Variants in PIP5K1B observed in about 807,000 individuals in gnomAD.
The protein encoded by PIP5K1B is phosphatidylinositol 4-phosphate 5-kinase type-1 beta.
PIP5K1B carries 42 observed loss-of-function variants against 67.0 expected under a neutral mutation model. The ratio of observed to expected loss-of-function variants is 0.63; its 90% CI spans 0.49 to 0.81. The LOEUF (loss-of-function observed/expected upper bound fraction) is 0.81, where lower values mean the gene tolerates loss of function less well. Ranked by LOEUF, PIP5K1B falls within the 30% of genes least tolerant of loss-of-function variation. The pLI is 0.00. For missense variants in PIP5K1B, 459 were observed against 646.3 expected (o/e 0.71, Z 3.14); for synonymous variants, 214 against 231.4 (o/e 0.92, Z 0.68).
intron 2 of PIP5K1B, among the ~76,000 whole-genome samples, chr9:68,749,583 C>T (rs894447396): frequency 2.0e-5 from 3 of 152,170 alleles, no homozygotes; most frequent in African/African-American, 7.2e-5. Context: ...AACATGACCA[C>T]CTGTAACCAC....
intron 13 of PIP5K1B, among the ~76,000 whole-genome samples, chr9:68,937,473 A>G (rs1044280888): frequency 9.2e-5 from 14 of 151,922 alleles, no homozygotes; most frequent in Non-Finnish European, 1.5e-4. Flanking sequence ...TTTTTATTGC[A>G]TCCATTTGAT....
chr9:68,891,638 C>A (rs1824795757), intron 7 of PIP5K1B, among the ~76,000 whole-genome samples: 1 of 152,010 alleles, frequency 6.6e-6, no homozygotes, highest in Non-Finnish European at 1.5e-5. Flanking sequence ...GGCACTGAGT[C>A]TTGAGTACAA....
intron 4 of PIP5K1B, among the ~76,000 whole-genome samples, chr9:68,860,004 GTTAA>G (rs1345033959): frequency 6.6e-5 from 10 of 152,214 alleles, no homozygotes; most frequent in Admixed American, 2.6e-4. Context: ...TGTTGAGTTA[GTTAA>G]TTGAGGTAGT....
intron 5 of PIP5K1B, among the ~76,000 whole-genome samples, chr9:68,872,931 G>A (rs1342250983): frequency 6.6e-6 from 1 of 152,158 alleles, no homozygotes; most frequent in Admixed American, 6.5e-5. Flanking sequence ...GAGTAACCAT[G>A]TTCACATATA....
chr9:68,866,600 T>C (rs944940891), intron 5 of PIP5K1B, among the ~76,000 whole-genome samples: 4 of 152,232 alleles, frequency 2.6e-5, no homozygotes, highest in Non-Finnish European at 5.9e-5. Context: ...ATTTAAATTG[T>C]CCGATAGAGA....
intron 2 of PIP5K1B, among the ~76,000 whole-genome samples, chr9:68,808,394 G>A (rs964656009): frequency 7.5e-5 from 11 of 146,666 alleles, no homozygotes; most frequent in Admixed American, 4.7e-4. Flanking sequence ...TACTCCCCCC[G>A]ACTCCCAGCT....
At chr9:68,950,810 T>A (rs1179007759) in intron 14 of PIP5K1B, among the ~76,000 whole-genome samples, 1 of 152,246 alleles carries the variant, frequency 6.6e-6, no homozygotes, top group Non-Finnish European at 1.5e-5. Flanking sequence ...ATCCTTCTGT[T>A]ACCTGTGGAG....
chr9:68,835,734 G>A (rs975565045), intron 4 of PIP5K1B, among the ~76,000 whole-genome samples: 2 of 152,204 alleles, frequency 1.3e-5, no homozygotes, highest in East Asian at 1.9e-4. Flanking sequence ...GACTATTGAA[G>A]GTGGAAGGTT....
chr9:68,985,378 A>G (rs1830057546), intron 14 of PIP5K1B, among the ~76,000 whole-genome samples: 1 of 151,896 alleles, frequency 6.6e-6, no homozygotes, highest in Non-Finnish European at 1.5e-5. Flanking sequence ...CAGCCTCCCA[A>G]GTAACTGGGA....
chr9:68,972,382 A>G (rs1201718344), intron 14 of PIP5K1B, among the ~76,000 whole-genome samples: 1 of 152,116 alleles, frequency 6.6e-6, no homozygotes, highest in African/African-American at 2.4e-5. Context: ...AAGAACAGCC[A>G]TTTGATTGTT....
intron 12 of PIP5K1B, among the ~76,000 whole-genome samples, chr9:68,933,835 C>T (rs1359326100): frequency 6.6e-6 from 1 of 152,188 alleles, no homozygotes; most frequent in African/African-American, 2.4e-5. Flanking sequence ...CCATTCTTCT[C>T]TCATTTGTGT....
chr9:68,835,419 A>G (rs1329613788), intron 4 of PIP5K1B, among the ~76,000 whole-genome samples: 1 of 152,216 alleles, frequency 6.6e-6, no homozygotes, highest in African/African-American at 2.4e-5. Flanking sequence ...ATATTATAGT[A>G]TGGCTTGAGT....
chr9:68,829,430 G>A (rs1834164595), intron 4 of PIP5K1B, among the ~76,000 whole-genome samples: 1 of 152,142 alleles, frequency 6.6e-6, no homozygotes, highest in African/African-American at 2.4e-5. Flanking sequence ...TTCTCAACCA[G>A]CAATTCTGCC....
At chr9:68,857,962 G>T (rs1359970445) in intron 4 of PIP5K1B, among the ~76,000 whole-genome samples, 1 of 148,246 alleles carries the variant, frequency 6.7e-6, no homozygotes, top group African/African-American at 2.6e-5. Context: ...TTGCTGTTTT[G>T]TTGTTGTTGT....
intron 4 of PIP5K1B, among the ~76,000 whole-genome samples, chr9:68,844,752 G>A (rs1587544212): frequency 6.6e-6 from 1 of 152,172 alleles, no homozygotes; most frequent in South Asian, 2.1e-4. Context: ...ATAAGCAGCA[G>A]CCCAGCCTCT....
chr9:68,826,294 AAAACGAGGGGACCATGGT>A (rs1195293150), intron 4 of PIP5K1B, among the ~76,000 whole-genome samples: 1 of 152,194 alleles, frequency 6.6e-6, no homozygotes. Context: ...AGGGAGTGAG[AAAACGAGGGGACCATGGT>A]AAACAGAACC....
At chr9:68,879,561 C>G (rs1408566267) in intron 6 of PIP5K1B, among the ~76,000 whole-genome samples, 1 of 151,594 alleles carries the variant, frequency 6.6e-6, no homozygotes, top group Non-Finnish European at 1.5e-5. Flanking sequence ...GAGCAAGACT[C>G]CATCTCAAAA....
In PIP5K1B at chr9:68,952,745, T is replaced by G. The variant is rs1262303309; in HGVS notation, c.1502+11955T>G. Among the ~76,000 whole-genome samples, 5 of 152,052 alleles carry G rather than the reference T, an allele frequency of 3.3e-5. No individual in the cohort carries two copies. In the South Asian group the frequency reaches 8.3e-4, roughly 25 times the overall value. ...TTCCAATTACCATTGAGAAATCCAG[T>G]GCTGTTCTGATTTCTGATCTTCTGT... On this transcript the variant is annotated intron_variant, in intron 14 of 15. Coordinates refer to ENST00000265382, the MANE Select transcript of PIP5K1B (RefSeq NM_003558.4).
chr9:68,983,931 C>T (rs1225569339), intron 14 of PIP5K1B, among the ~76,000 whole-genome samples: 1 of 152,186 alleles, frequency 6.6e-6, no homozygotes, highest in Non-Finnish European at 1.5e-5. Flanking sequence ...TGGCACATGC[C>T]TTTAGTCCCA....
Sources: allele counts gnomAD v4.1 joint callset (sites outside exome capture counted in the v4.1 genomes callset), GRCh38; gene constraint gnomAD v4.1.1; transcripts MANE v1.5; gene names NCBI Gene and HGNC (gene_info 2026-07-23, HGNC 2026-07-21).